The following SPMIP2 variants were observed in gnomAD, a reference collection of about 807,000 sequenced individuals.
SPMIP2 encodes the protein protein SPMIP2.
chr4:158,902,145 C>T, the SPMIP2 span, among the ~76,000 whole-genome samples: 5 of 152,048 alleles, frequency 3.3e-5, no homozygotes, highest in Non-Finnish European at 7.4e-5. Flanking sequence ...TGGTCTTTTA[C>T]GTTGGTGACC....
the SPMIP2 span, among the ~76,000 whole-genome samples, chr4:159,051,110 GA>G: frequency 0.029 from 3,211 of 110,890 alleles, 75 homozygotes; most frequent in African/African-American, 0.081. Context: ...CTCCGTCTCA[GA>G]AAAAAAAAAA....
the SPMIP2 span, among the ~76,000 whole-genome samples, chr4:158,936,855 G>T: frequency 1.3e-5 from 2 of 152,190 alleles, no homozygotes; most frequent in Non-Finnish European, 2.9e-5. Context: ...GACATATGTG[G>T]TATTTCAGTG....
At chr4:159,077,858 C>T in the SPMIP2 span, among the ~76,000 whole-genome samples, 2 of 152,070 alleles carry the variant, frequency 1.3e-5, no homozygotes, top group East Asian at 3.9e-4. Flanking sequence ...AAAGTAATAT[C>T]CTGTCAAATA....
the SPMIP2 span, among the ~76,000 whole-genome samples, chr4:158,961,836 C>T: frequency 6.6e-6 from 1 of 151,978 alleles, no homozygotes. Context: ...TTTATTTGGA[C>T]ATCTATGTTT....
At chr4:158,903,339 G>A in the SPMIP2 span, among the ~76,000 whole-genome samples, 9 of 152,148 alleles carry the variant, frequency 5.9e-5, no homozygotes, top group East Asian at 9.7e-4. Flanking sequence ...GAGATGAGCC[G>A]GGTACATCAG....
chr4:159,076,053 C>T, the SPMIP2 span, among the ~76,000 whole-genome samples: 1 of 152,202 alleles, frequency 6.6e-6, no homozygotes, highest in African/African-American at 2.4e-5. Flanking sequence ...ATGATGCTGA[C>T]ATTTATAGGG....
the SPMIP2 span, among the ~76,000 whole-genome samples, chr4:158,920,958 C>T: frequency 7.2e-5 from 11 of 152,150 alleles, no homozygotes; most frequent in South Asian, 4.1e-4. Context: ...ACGGTCCTAC[C>T]GATATGTGAT....
At chr4:158,949,248 A>G in the SPMIP2 span, among the ~76,000 whole-genome samples, 2 of 152,192 alleles carry the variant, frequency 1.3e-5, no homozygotes, top group Non-Finnish European at 2.9e-5. Flanking sequence ...TTTGTTCAGG[A>G]TAGTTTCAGT....
the SPMIP2 span, among the ~76,000 whole-genome samples, chr4:158,918,040 T>C: frequency 6.6e-6 from 1 of 152,172 alleles, no homozygotes; most frequent in Non-Finnish European, 1.5e-5. Flanking sequence ...GTAGAAACTA[T>C]TAGAATATTC....
the SPMIP2 span, among the ~76,000 whole-genome samples, chr4:159,082,467 G>GTGTGTGTA: frequency 1.5e-4 from 23 of 149,398 alleles, no homozygotes; most frequent in African/African-American, 3.9e-4. Context: ...GTGTGTGTGT[G>GTGTGTGTA]TGTGTGTGTG....
At chr4:158,976,280 C>A in the SPMIP2 span, among the ~76,000 whole-genome samples, 1 of 152,108 alleles carries the variant, frequency 6.6e-6, no homozygotes, top group Admixed American at 6.6e-5. Flanking sequence ...ACATTTATTT[C>A]TTTCTCTTGC....
chr4:158,989,435 CA>C, the SPMIP2 span, among the ~76,000 whole-genome samples: 1 of 152,030 alleles, frequency 6.6e-6, no homozygotes, highest in Non-Finnish European at 1.5e-5. Context: ...AAATCTTGAG[CA>C]AAAAGAATAA....
the SPMIP2 span, among the ~76,000 whole-genome samples, chr4:159,057,792 T>C: frequency 0.39 from 59,074 of 152,166 alleles, 11,972 homozygotes; most frequent in East Asian, 0.6. Flanking sequence ...AGTACATGAT[T>C]ATAATTTTTA....
the SPMIP2 span, among the ~76,000 whole-genome samples, chr4:158,899,407 G>A: frequency 1.3e-5 from 2 of 152,130 alleles, no homozygotes; most frequent in Non-Finnish European, 2.9e-5. Flanking sequence ...TCTATTGTTT[G>A]GAATAGTTTC....
the SPMIP2 span, among the ~76,000 whole-genome samples, chr4:159,058,611 T>C: frequency 2.6e-5 from 4 of 152,198 alleles, no homozygotes; most frequent in Non-Finnish European, 5.9e-5. Context: ...AGATAAGAGC[T>C]CTGAAGTCTC....
chr4:158,996,557 CAATT>C, the SPMIP2 span, among the ~76,000 whole-genome samples: 3 of 152,086 alleles, frequency 2.0e-5, no homozygotes, highest in Non-Finnish European at 2.9e-5. Context: ...ATTGATTAAA[CAATT>C]AAGGAAAATT....
At chr4:159,007,564 T>C in the SPMIP2 span, 6 of 1,093,336 alleles carry the variant, frequency 5.5e-6, no homozygotes, top group African/African-American at 3.1e-5. Context: ...CTGGAGAGGG[T>C]GAATGCCGTC....
chr4:159,080,519 C>G, the SPMIP2 span, among the ~76,000 whole-genome samples: 1 of 152,064 alleles, frequency 6.6e-6, no homozygotes, highest in Non-Finnish European at 1.5e-5. Flanking sequence ...CATTGAGCCC[C>G]TTAATTGATT....
the SPMIP2 span, among the ~76,000 whole-genome samples, chr4:158,901,014 G>T: frequency 6.6e-6 from 1 of 151,858 alleles, no homozygotes; most frequent in South Asian, 2.1e-4. Context: ...AGGAGCTCTT[G>T]TAAGGCAGGC....
Sources: gnomAD v4.1 joint callset for allele counts (sites outside exome capture counted in the v4.1 genomes callset) on GRCh38, gnomAD v4.1.1 for gene constraint, MANE v1.5 for transcripts, NCBI Gene and HGNC (gene_info 2026-07-23, HGNC 2026-07-21) for gene names.